The following SLX4 variants were observed in gnomAD, a reference collection of about 807,000 sequenced individuals.
SLX4 encodes structure-specific endonuclease subunit SLX4.
SLX4 carries 112 observed loss-of-function variants against 146.2 expected under a neutral mutation model. The ratio of observed to expected loss-of-function variants is 0.77; its 90% CI spans 0.66 to 0.90. SLX4 has a LOEUF of 0.90. Among genes scored for constraint, SLX4 ranks in the 40% least tolerant of loss-of-function variants. SLX4 has a pLI of 0.00. For synonymous variants in SLX4, 1,061 were observed against 997.7 expected (o/e 1.06, Z -1.20); for missense variants, 2,563 against 2,392.7 (o/e 1.07, Z -1.49).
At chr16:3,583,565 CACGTTCCCTATCTT>C (rs2040469773) in intron 13 of SLX4, 55 bp from the exon 14 acceptor site, 2 of 1,596,690 alleles carry the variant, frequency 1.3e-6, no homozygotes, top group Admixed American at 3.3e-5. Context: ...GTCCACACTC[CACGTTCCCTATCTT>C]AGCAAAGAGT....
At position 3,589,658 on chromosome 16, in the gene SLX4, G is replaced by C. The variant is rs533507487; in HGVS notation, c.3980C>G (p.Pro1327Arg). Reference protein sequence around the residue: ...PPQTPSSCLTPVSPGTSDGRR... With the variant: ...PPQTPSSCLTRVSPGTSDGRR... ...GCCGTCAGAAGTTCCTGGAGAGACG[G>C]GAGTGAGGCATGAGGACGGTGTCTG... The change falls in exon 12 of 15, where the codon CCC (proline) becomes CGC (arginine). Residue 1327 changes from proline (P) to arginine (R), a missense_variant. Pro to Arg is a moderately radical substitution (Grantham distance 103). Transcript: ENST00000294008. This position sits in a 1 kb window ranked among gnomAD's most constrained non-coding sequence, Gnocchi z 6.2. The C allele has an allele frequency of 6.2e-7, 1 of 1,614,052 alleles. No individual in the cohort carries two copies. Among genetic ancestry groups the C allele is most frequent in the East Asian group, 2.2e-5 (1 of 44,888 alleles).
chr16:3,602,654 A>G (rs1220631884), intron 3 of SLX4, among the ~76,000 whole-genome samples: 1 of 152,246 alleles, frequency 6.6e-6, no homozygotes, highest in Non-Finnish European at 1.5e-5. Flanking sequence ...CACTCTGAGT[A>G]GCAAGGACCT....
chr16:3,596,282 C>A lies in SLX4; in HGVS notation c.1795G>T (p.Gly599Cys), dbSNP rs770845528. Reference protein sequence around the residue: ...GTPTAGCGSRGPSPSASQREH... With the variant: ...GTPTAGCGSRCPSPSASQREH... ...CTCTGGCTGGCCGAAGGCGACGGGC[C>A]CCTGGAGCCACAGCCTGCAGTGGGG... is the stretch of plus-strand genomic sequence containing the variant. The change falls in exon 8 of 15, where the codon GGC (glycine) becomes TGC (cysteine). Residue 599 changes from glycine (G) to cysteine (C), a missense_variant. By Grantham distance (159) the Gly-to-Cys change is radical. Transcript: ENST00000294008. 34 of 1,569,050 alleles carry A rather than the reference C, an allele frequency of 2.2e-5. No individual in the cohort carries two copies. The highest frequency in any genetic ancestry group is 2.9e-5 in the Non-Finnish European group (34 of 1,158,034).
In SLX4 at chr16:3,597,686, C is replaced by A; in HGVS notation, c.1376G>T (p.Ser459Ile). 1 of 1,611,340 alleles carries A rather than the reference C, an allele frequency of 6.2e-7. No individual in the cohort carries two copies. Among genetic ancestry groups the A allele is most frequent in the Non-Finnish European group, 8.5e-7 (1 of 1,178,440 alleles). The change falls in exon 7 of 15, where the codon AGT becomes ATT. Residue 459 changes from serine (S) to isoleucine (I), a missense_variant. Coordinates refer to ENST00000294008, the MANE Select transcript of SLX4 (RefSeq NM_032444.4). The surrounding 1 kb of genome is among the most constrained non-coding windows in gnomAD (Gnocchi z 4.4). ...ERIRPEAENK[S>I]RKKKPPVSPP... ...GGATACCGGGGGTTTCTTCTTGCGA[C>A]TTTTATTCTCTAGAGAGAAACAAAA...
At chr16:3,587,582 C>G (rs1049361602) in intron 12 of SLX4, among the ~76,000 whole-genome samples, 1 of 152,232 alleles carries the variant, frequency 6.6e-6, no homozygotes, top group African/African-American at 2.4e-5. Flanking sequence ...AAGCACGATT[C>G]TTCCTGTGGC....
At position 3,606,627 on chromosome 16, in the gene SLX4, G is replaced by A. The variant is rs2151137984; in HGVS notation, c.607C>T (p.Pro203Ser). ...TGTAGGACCAATTGTGCTGTGCGGGGTTTGGAGGGACTTGGCACTGCTGTT... is the reference window on the plus strand; with the variant it reads ...TGTAGGACCAATTGTGCTGTGCGGGATTTGGAGGGACTTGGCACTGCTGTT... ...LTTAVPSPSKPRTAQLVLQRM... is the reference protein window; with the variant it reads ...LTTAVPSPSKSRTAQLVLQRM... Residue 203 changes from proline (P) to serine (S), a missense_variant, in exon 3 of 15, where the codon CCC (proline) becomes TCC (serine). Transcript: ENST00000294008. The A allele has an allele frequency of 1.2e-6, 2 of 1,614,208 alleles. No homozygotes were observed. The highest frequency in any genetic ancestry group is 2.2e-5 in the East Asian group (1 of 44,890).
intron 5 of SLX4, among the ~76,000 whole-genome samples, chr16:3,600,247 C>T (rs944370986): frequency 9.9e-5 from 15 of 152,150 alleles, no homozygotes; most frequent in Middle Eastern, 3.2e-3. Context: ...TGACAGGAGG[C>T]GGAGCTCAGG....
At chr16:3,604,140 G>A (rs549594431) in intron 3 of SLX4, among the ~76,000 whole-genome samples, 4 of 151,144 alleles carry the variant, frequency 2.6e-5, no homozygotes, top group East Asian at 1.9e-4. Context: ...GCCGAGGCAC[G>A]AGAATAGCTT....
rs1487995988 is a variant in SLX4, at chr16:3,582,055, AAAG to A, written c.*284_*286del. The A allele has an allele frequency of 7.9e-6, 4 of 506,352 alleles. No individual in the cohort carries two copies. The highest frequency in any genetic ancestry group is 2.6e-5 in the South Asian group (1 of 38,312). 31.4% of individuals were successfully genotyped at this position (506,352 alleles called of 1,614,324 possible). ...ACGACTGTCTCAAAAAGAAAAAAAA[AAAG>A]AAAACCAAAAAGGGAGACACACTGT... is the stretch of plus-strand genomic sequence containing the variant. On this transcript the variant is annotated 3_prime_UTR_variant, in exon 15 of 15. Transcript: ENST00000294008.
At position 3,595,663 on chromosome 16, in the gene SLX4, A is replaced by C. The variant is rs1219413476; in HGVS notation, c.1955T>G (p.Leu652Arg). 1 of 1,614,116 alleles carries C rather than the reference A, an allele frequency of 6.2e-7. No individual in the cohort carries two copies. The highest frequency in any genetic ancestry group is 1.3e-5 in the African/African-American group (1 of 75,060). The change falls in exon 9 of 15, where the codon CTG (leucine) becomes CGG (arginine). Residue 652 changes from leucine to arginine, a missense_variant. Coordinates refer to ENST00000294008, the MANE Select transcript of SLX4 (RefSeq NM_032444.4). ...CTGCGATGGCACCACAAACCCAGTC[A>C]GAGGAAGGCCGCCGGGCACCACGTC... ...GLDVVPGGLP[L>R]TGFVVPSQDK...
intron 12 of SLX4, among the ~76,000 whole-genome samples, chr16:3,588,201 A>G (rs2040529783): frequency 6.6e-6 from 1 of 152,210 alleles, no homozygotes; most frequent in African/African-American, 2.4e-5. Context: ...CCACCCCAAA[A>G]GGACACCCTG....
At position 3,597,656 on chromosome 16, in the gene SLX4, G is replaced by T. The variant is rs760494841; in HGVS notation, c.1406C>A (p.Pro469Gln). The change falls in exon 7 of 15, where the codon CCA becomes CAA. Residue 469 changes from proline to glutamine, a missense_variant. Physicochemically the swap from Pro to Gln is moderately conservative, Grantham distance 76. Coordinates refer to ENST00000294008, the MANE Select transcript of SLX4 (RefSeq NM_032444.4). The surrounding 1 kb of genome is among the most constrained non-coding windows in gnomAD (Gnocchi z 4.4). ...SRKKKPPVSP[P>Q]LLLVQDSETT... is the part of the protein sequence containing the mutation. Reference sequence around the variant, plus strand: ...TTCAGAGTCCTGGACTAACAACAATGGGGGGGATACCGGGGGTTTCTTCTT... The same window carrying T: ...TTCAGAGTCCTGGACTAACAACAATTGGGGGGATACCGGGGGTTTCTTCTT... 8 of 1,613,896 alleles carry T rather than the reference G, an allele frequency of 5.0e-6. No homozygotes were observed. Among genetic ancestry groups the T allele is most frequent in the Admixed American group, 1.7e-5 (1 of 59,996 alleles).
At chr16:3,584,618 A>ATTT in intron 13 of SLX4, 151 bp downstream of exon 13, 1 of 733,866 alleles carries the variant, frequency 1.4e-6, no homozygotes, top group Non-Finnish European at 2.5e-6. Flanking sequence ...TAAGGAGCTG[A>ATTT]CTGCAGACCT....
At chr16:3,583,021 T>C (rs1596515146) in intron 14 of SLX4, 76 bp downstream of exon 14, 2 of 1,561,230 alleles carry the variant, frequency 1.3e-6, no homozygotes, top group East Asian at 4.5e-5. Context: ...CCATTAGGTC[T>C]CACTCGTGCC....
intron 9 of SLX4, 93 bp downstream of exon 9, chr16:3,595,512 G>T: frequency 1.4e-6 from 2 of 1,404,506 alleles, no homozygotes; most frequent in Non-Finnish European, 1.0e-6. Context: ...CACTTGCGTT[G>T]GGGGCCAGAG....
At chr16:3,584,218 C>T (rs534582585) in intron 13 of SLX4, among the ~76,000 whole-genome samples, 6 of 152,208 alleles carry the variant, frequency 3.9e-5, no homozygotes, top group East Asian at 3.9e-4. Flanking sequence ...GTCAGGAGTT[C>T]GAGACCAGCC....
chr16:3,592,941 G>A (rs2040610457), intron 10 of SLX4, 76 bp from the exon 11 acceptor site: 5 of 1,416,994 alleles, frequency 3.5e-6, no homozygotes, highest in South Asian at 1.4e-5. Context: ...GGTCTGGGGT[G>A]TCCTGCAAGT....
intron 1 of SLX4, among the ~76,000 whole-genome samples, chr16:3,610,812 A>G (rs2040854780): frequency 6.6e-6 from 1 of 152,196 alleles, no homozygotes; most frequent in African/African-American, 2.4e-5. Flanking sequence ...CATGAATTGC[A>G]AAGAGTTCGG....
chr16:3,591,384 G>C, intron 11 of SLX4, 74 bp from the exon 12 acceptor site: 1 of 1,585,096 alleles, frequency 6.3e-7, no homozygotes, highest in Non-Finnish European at 8.5e-7. Context: ...TGGGGTGGCG[G>C]ACCAGAGCAG....
Sources: gnomAD v4.1 joint callset for allele counts (sites outside exome capture counted in the v4.1 genomes callset) on GRCh38, gnomAD v4.1.1 for gene constraint, Gnocchi (gnomAD v3.1) non-coding constraint, MANE v1.5 for transcripts, NCBI Gene and HGNC (gene_info 2026-07-23, HGNC 2026-07-21) for gene names.